Variants in C13orf42 observed in about 807,000 individuals in gnomAD.
C13orf42 encodes chromosome 13 open reading frame 42.
intron 1 of C13orf42, among the ~76,000 whole-genome samples, chr13:51,168,673 C>T (rs1345677257): frequency 2.0e-5 from 3 of 152,224 alleles, no homozygotes; most frequent in South Asian, 2.1e-4. Flanking sequence ...GGGCTGCTTA[C>T]ATACCAACTA....
chr13:51,158,015 A>G (rs1220841378), intron 1 of C13orf42, among the ~76,000 whole-genome samples: 1 of 152,210 alleles, frequency 6.6e-6, no homozygotes, highest in Non-Finnish European at 1.5e-5. Flanking sequence ...AACAAACAAC[A>G]ACAAAAAACC....
At chr13:51,086,490 G>C (rs991471931) in intron 2 of C13orf42, among the ~76,000 whole-genome samples, 1 of 150,530 alleles carries the variant, frequency 6.6e-6, no homozygotes, top group African/African-American at 2.5e-5. Flanking sequence ...GTGTGTGTAA[G>C]AGAGTGTGTG....
chr13:51,118,881 T>G (rs2138011784), intron 1 of C13orf42, among the ~76,000 whole-genome samples: 1 of 152,106 alleles, frequency 6.6e-6, no homozygotes, highest in Non-Finnish European at 1.5e-5. Context: ...CATGCCTAGG[T>G]GTGTGGCATG....
At chr13:51,149,534 C>T (rs1953764056) in intron 1 of C13orf42, among the ~76,000 whole-genome samples, 1 of 152,098 alleles carries the variant, frequency 6.6e-6, no homozygotes, top group South Asian at 2.1e-4. Context: ...TGACCCTGGA[C>T]ATTCAAGCTG....
At chr13:51,147,723 T>C (rs1953748558) in intron 1 of C13orf42, among the ~76,000 whole-genome samples, 1 of 50,210 alleles carries the variant, frequency 2.0e-5, no homozygotes, top group African/African-American at 9.9e-5. Context: ...AGCAAGACTG[T>C]GTCTCAAAAA....
Position 51,141,095 on chromosome 13 carries a change from G to GGTGTGTGTGTGTGTGTGTGT in C13orf42, n.137-27893_137-27874dup, listed in dbSNP as rs3043870. Among the ~76,000 whole-genome samples, 276 of 128,540 alleles carry GGTGTGTGTGTGTGTGTGTGT rather than the reference G, an allele frequency of 2.1e-3. 5 individuals are homozygous for GGTGTGTGTGTGTGTGTGTGT. The highest frequency in any genetic ancestry group is 4.2e-3 in the African/African-American group (141 of 33,854). The allele number at this position is 128,540 out of a possible 152,430, so 84.3% of individuals were successfully genotyped here. A position where few individuals can be genotyped will look rare whatever the true frequency, so the allele number is the denominator to read the frequency against. On this transcript the variant is annotated intron_variant and non_coding_transcript_variant, in intron 1 of 4. Transcript: ENST00000433280. ...AATTAAAAGGCTAACATCGAAGGGA[G>GGTGTGTGTGTGTGTGTGTGT]GTGTGTGTGTGTGTGTGTGTGTGTG... is the stretch of plus-strand genomic sequence containing the variant.
At chr13:51,102,693 GGTGAGT>G (rs1953306783) in intron 1 of C13orf42, among the ~76,000 whole-genome samples, 1 of 152,110 alleles carries the variant, frequency 6.6e-6, no homozygotes, top group Non-Finnish European at 1.5e-5. Context: ...CTCTGACTGT[GGTGAGT>G]GACCAGTATA....
At position 51,156,413 on chromosome 13, in the gene C13orf42, C is replaced by A. The variant is rs139447113; in HGVS notation, n.136+15840G>T. ...ACTCTGTGATACATAGCTGCCACTA[C>A]GCCCTTTCCTGAAGATGAGAAAATT... On this transcript the variant is annotated intron_variant and non_coding_transcript_variant, in intron 1 of 4. Coordinates refer to the C13orf42 transcript ENST00000433280. Among the ~76,000 whole-genome samples, 1,296 of 152,274 alleles carry A rather than the reference C, an allele frequency of 8.5e-3. 12 individuals are homozygous for A. The highest frequency in any genetic ancestry group is 0.015 in the South Asian group (71 of 4,830).
At chr13:51,109,682 A>C (rs927934606) in intron 1 of C13orf42, among the ~76,000 whole-genome samples, 2 of 152,094 alleles carry the variant, frequency 1.3e-5, no homozygotes, top group African/African-American at 4.8e-5. Context: ...TGAGTCCAGG[A>C]GGTTGAGGTT....
chr13:51,160,101 G>A (rs905175677), intron 1 of C13orf42, among the ~76,000 whole-genome samples: 2 of 152,210 alleles, frequency 1.3e-5, no homozygotes, highest in Non-Finnish European at 2.9e-5. Context: ...CAACACGTGG[G>A]ACTTATGTGA....
chr13:51,140,558 T>C (rs947978471), intron 1 of C13orf42, among the ~76,000 whole-genome samples: 2 of 152,130 alleles, frequency 1.3e-5, no homozygotes, highest in South Asian at 2.1e-4. Flanking sequence ...CTCAAACCAA[T>C]AGGACAATTT....
chr13:51,085,215 A>ATATATATATATAT (rs1314393020), intron 3 of C13orf42, 104 bp downstream of exon 3: 1 of 305,332 alleles, frequency 3.3e-6, no homozygotes, highest in African/African-American at 2.2e-5. Flanking sequence ...ATATATGAAT[A>ATATATATATATAT]ATATTTGGCA....
At chr13:51,132,260 G>A (rs769501351) in intron 1 of C13orf42, among the ~76,000 whole-genome samples, 6 of 152,204 alleles carry the variant, frequency 3.9e-5, no homozygotes, top group Non-Finnish European at 5.9e-5. Context: ...GGCCAATATC[G>A]TGAAACCTCA....
At chr13:51,087,670 T>C (rs1352144536) in intron 2 of C13orf42, among the ~76,000 whole-genome samples, 1 of 152,212 alleles carries the variant, frequency 6.6e-6, no homozygotes, top group Non-Finnish European at 1.5e-5. Flanking sequence ...GAAAACATTG[T>C]CCAAACATGG....
Position 51,091,310 on chromosome 13 carries a change from A to T in C13orf42, c.415-3235T>A, listed in dbSNP as rs567219875. Among the ~76,000 whole-genome samples, 15 of 152,318 alleles carry T rather than the reference A, an allele frequency of 9.8e-5. No homozygotes were observed. The South Asian group carries it at 2.9e-3, about 29-fold the overall frequency. ...TGGTGACGTTATTTGTGGCTGACCC[A>T]TATGTGCCTGTGTAACTAACTCTCA... is the stretch of plus-strand genomic sequence containing the variant. On this transcript the variant is annotated intron_variant, in intron 1 of 3. Transcript: ENST00000563710.
At chr13:51,088,196 G>C (rs753586507) in intron 1 of C13orf42, 121 bp from the exon 2 acceptor site, 3 of 394,860 alleles carry the variant, frequency 7.6e-6, no homozygotes, top group African/African-American at 2.1e-5. Context: ...AGGTTTCAAA[G>C]GTAACTATGA....
chr13:51,127,344 A>G (rs924135339), intron 1 of C13orf42, among the ~76,000 whole-genome samples: 3 of 152,204 alleles, frequency 2.0e-5, no homozygotes, highest in Admixed American at 6.5e-5. Context: ...AGATATTAGT[A>G]TGACCATTCC....
chr13:51,089,009 T>C (rs1399637703), intron 1 of C13orf42, among the ~76,000 whole-genome samples: 1 of 152,146 alleles, frequency 6.6e-6, no homozygotes, highest in Non-Finnish European at 1.5e-5. Flanking sequence ...TAAAAAACTC[T>C]CTGAGGAATT....
intron 1 of C13orf42, among the ~76,000 whole-genome samples, chr13:51,125,246 G>A (rs964331908): frequency 3.3e-5 from 5 of 152,172 alleles, no homozygotes; most frequent in East Asian, 1.9e-4. Flanking sequence ...ATTGGCAAAC[G>A]TGTCTATCCT....
Sources: gnomAD v4.1 joint callset for allele counts (sites outside exome capture counted in the v4.1 genomes callset) on GRCh38, gnomAD v4.1.1 for gene constraint, MANE v1.5 for transcripts, NCBI Gene and HGNC (gene_info 2026-07-23, HGNC 2026-07-21) for gene names.